The following PYM1 variants were observed in gnomAD, a reference collection of about 807,000 sequenced individuals.
The protein encoded by PYM1 is partner of Y14 and mago.
Under a neutral mutation model 20.7 loss-of-function variants are expected in PYM1, and 7 were observed. That is an observed-to-expected ratio of 0.34 (90% CI 0.19 to 0.64). The LOEUF (loss-of-function observed/expected upper bound fraction) is 0.64, where lower values mean the gene tolerates loss of function less well. PYM1 is among the 30% of genes least tolerant of loss of function. The pLI is 0.74. For synonymous variants in PYM1, 100 were observed against 99.2 expected, an observed-to-expected ratio of 1.01 and a Z score of -0.05; for missense variants, 194 against 250.0, an observed-to-expected ratio of 0.78 and a Z score of 1.51.
At position 55,902,025 on chromosome 12, in the gene PYM1, T is replaced by C. The variant is rs1882699722; in HGVS notation, c.462A>G (p.Ile154Met). 4 of 1,614,154 alleles carry C rather than the reference T, an allele frequency of 2.5e-6. No homozygotes were observed. Among genetic ancestry groups the C allele is most frequent in the Non-Finnish European group, 3.4e-6 (4 of 1,180,022 alleles). Residue 154 changes from isoleucine to methionine, a missense_variant, in exon 3 of 3, where the codon ATA becomes ATG. This residue lies in a region of PYM1 where 158 missense variants were observed against 179.0 expected (regional missense o/e 0.88). Coordinates refer to ENST00000408946, the MANE Select transcript of PYM1 (RefSeq NM_032345.3). ...SAATTEKAKK[I>M]KNLKKKLRQV... is the part of the protein sequence containing the mutation. ...GCCGGAGTTTCTTCTTTAGGTTCTT[T>C]ATCTTCTTGGCTTTCTCAGTGGTGG...
intron 1 of PYM1, among the ~76,000 whole-genome samples, chr12:55,916,997 G>A (rs1409812303): frequency 1.3e-5 from 2 of 152,034 alleles, no homozygotes; most frequent in Admixed American, 1.3e-4. Flanking sequence ...AGCTACTTGG[G>A]AGGCTAAGCT....
At position 55,912,191 on chromosome 12, in the gene PYM1, TA is replaced by T. The variant is rs994535475; in HGVS notation, c.38-8712del. Among the ~76,000 whole-genome samples the T allele has an allele frequency of 2.6e-4, 36 of 139,738 alleles. No homozygotes were observed. The Middle Eastern group carries it at 0.015, about 58-fold the overall frequency. 91.7% of individuals were successfully genotyped at this position (139,738 alleles called of 152,430 possible). ...TGGTGAAACCCTATCTCTACGAAAA[TA>T]AAAAAAAAAATTAGCTGGGCATGGT... On this transcript the variant is annotated intron_variant, in intron 1 of 2. Transcript: ENST00000408946.
chr12:55,903,956 A>G (rs1882739281), intron 1 of PYM1, among the ~76,000 whole-genome samples: 1 of 151,986 alleles, frequency 6.6e-6, no homozygotes, highest in Non-Finnish European at 1.5e-5. Context: ...TTTAAAGGGT[A>G]TTTGGTTTTT....
chr12:55,905,706 T>TAAAA (rs1245510282), intron 1 of PYM1, among the ~76,000 whole-genome samples: 2 of 47,152 alleles, frequency 4.2e-5, no homozygotes, highest in African/African-American at 1.3e-4. Context: ...CCAACCCAAT[T>TAAAA]AAAAAATATA....
chr12:55,910,245 T>C (rs1461206576), intron 1 of PYM1, among the ~76,000 whole-genome samples: 1 of 127,412 alleles, frequency 7.8e-6, no homozygotes, highest in Non-Finnish European at 1.6e-5. Flanking sequence ...TACGGCTTGG[T>C]TTTATACATA....
At chr12:55,912,908 G>A (rs553320323) in intron 1 of PYM1, among the ~76,000 whole-genome samples, 1 of 151,552 alleles carries the variant, frequency 6.6e-6, no homozygotes, top group East Asian at 1.9e-4. Context: ...AGGTTGCAGT[G>A]AGCCAAGATC....
intron 1 of PYM1, among the ~76,000 whole-genome samples, chr12:55,919,770 C>T (rs1394422266): frequency 2.0e-5 from 3 of 151,796 alleles, no homozygotes; most frequent in Non-Finnish European, 2.9e-5. Flanking sequence ...CATAGTGGTG[C>T]GTGCCTGTAA....
intron 1 of PYM1, among the ~76,000 whole-genome samples, chr12:55,919,931 GT>G (rs1883070381): frequency 6.6e-6 from 1 of 152,078 alleles, no homozygotes; most frequent in African/African-American, 2.4e-5. Context: ...ACTAGGCTGG[GT>G]GCAGTGGCTC....
intron 1 of PYM1, among the ~76,000 whole-genome samples, chr12:55,921,453 G>C (rs1565718424): frequency 6.6e-6 from 1 of 151,784 alleles, no homozygotes; most frequent in Admixed American, 6.6e-5. Context: ...TTTGATAACT[G>C]ATATACATGA....
chr12:55,908,588 A>G (rs1031114480), intron 1 of PYM1, among the ~76,000 whole-genome samples: 2 of 152,108 alleles, frequency 1.3e-5, no homozygotes, highest in African/African-American at 4.8e-5. Context: ...GCACGGGCCC[A>G]CTCCTGTACT....
intron 1 of PYM1, among the ~76,000 whole-genome samples, chr12:55,905,850 T>TATTAGATA (rs1350962160): frequency 1.0e-5 from 1 of 96,064 alleles, no homozygotes; most frequent in South Asian, 3.3e-4. Context: ...GATATATATA[T>TATTAGATA]TATATATTAG....
At chr12:55,923,020 G>A (rs1327054502) in intron 1 of PYM1, among the ~76,000 whole-genome samples, 1 of 152,020 alleles carries the variant, frequency 6.6e-6, no homozygotes, top group Non-Finnish European at 1.5e-5. Flanking sequence ...GAGGTCAGGA[G>A]TTTGAGACCA....
chr12:55,904,332 G>A (rs1213897125), intron 1 of PYM1, among the ~76,000 whole-genome samples: 5 of 150,564 alleles, frequency 3.3e-5, no homozygotes, highest in East Asian at 2.0e-4. Context: ...GGTGGCTCAT[G>A]CCTATAATCC....
chr12:55,919,293 AGT>A (rs1286906584), intron 1 of PYM1, among the ~76,000 whole-genome samples: 1 of 151,938 alleles, frequency 6.6e-6, no homozygotes, highest in African/African-American at 2.4e-5. Flanking sequence ...GGACTACAGG[AGT>A]GTGTGTGTCA....
intron 1 of PYM1, among the ~76,000 whole-genome samples, chr12:55,917,236 A>G (rs1883023159): frequency 6.6e-6 from 1 of 151,968 alleles, no homozygotes; most frequent in South Asian, 2.1e-4. Flanking sequence ...CCTGGCCAAC[A>G]TGGTGAAAGC....
intron 1 of PYM1, among the ~76,000 whole-genome samples, chr12:55,911,770 G>A (rs184502562): frequency 6.6e-6 from 1 of 151,888 alleles, no homozygotes; most frequent in Admixed American, 6.6e-5. Context: ...GATCCCAGGA[G>A]GGGGAGGTTG....
intron 1 of PYM1, among the ~76,000 whole-genome samples, chr12:55,913,076 T>C (rs1882952620): frequency 2.0e-5 from 3 of 152,224 alleles, no homozygotes; most frequent in Admixed American, 2.0e-4. Context: ...ATAGACTATA[T>C]TTGCTTATCT....
chr12:55,927,580 T>C, intron 1 of PYM1, 145 bp downstream of exon 1: 1 of 1,088,854 alleles, frequency 9.2e-7, no homozygotes, highest in Non-Finnish European at 1.3e-6. Flanking sequence ...CGCACAAGTG[T>C]TTCTAGGGAC....
At position 55,903,394 on chromosome 12, in the gene PYM1, C is replaced by G; in HGVS notation, c.124G>C (p.Val42Leu). The change falls in exon 2 of 3, where the codon GTC becomes CTC. Residue 42 changes from valine to leucine, a missense_variant. Transcript: ENST00000408946. ...VKEGYVPQEEVPVYENKYVKF... is the reference protein window; with the variant it reads ...VKEGYVPQEELPVYENKYVKF... ...CAAAGCCTAACCACGTACACTGGGA[C>G]CTCCTCCTGGGGCACATATCCTTCT... The G allele has an allele frequency of 6.2e-7, 1 of 1,614,068 alleles. No homozygotes were observed.
Sources: gnomAD v4.1 joint callset for allele counts (sites outside exome capture counted in the v4.1 genomes callset) on GRCh38, gnomAD v4.1.1 for gene constraint, gnomAD v4.1.1 regional missense constraint, MANE v1.5 for transcripts, NCBI Gene and HGNC (gene_info 2026-07-23, HGNC 2026-07-21) for gene names.